SOX5: variants seen among roughly 807,000 people sequenced by gnomAD.
SOX5 encodes transcription factor SOX-5.
SOX5 carries 9 observed loss-of-function variants against 92.0 expected under a neutral mutation model. The observed-to-expected ratio is 0.10, with a 90% CI of 0.06 to 0.17. The LOEUF is 0.17. Ranked by LOEUF, SOX5 falls within the 10% of genes least tolerant of loss-of-function variation. The pLI is 1.00. For missense variants in SOX5, 642 were observed against 944.5 expected, an observed-to-expected ratio of 0.68 and a Z score of 4.20; for synonymous variants, 344 against 336.3, an observed-to-expected ratio of 1.02 and a Z score of -0.25.
At chr12:23,663,632 C>CT (rs148788898) in intron 7 of SOX5, among the ~76,000 whole-genome samples, 4,650 of 151,730 alleles carry the variant, frequency 0.031, 217 homozygotes, top group African/African-American at 0.11. Context: ...TAGAAAGTGT[C>CT]TTTTTTTTGT....
intron 4 of SOX5, among the ~76,000 whole-genome samples, chr12:24,171,616 G>A (rs577197432): frequency 8.5e-5 from 13 of 152,102 alleles, no homozygotes; most frequent in East Asian, 1.9e-4. Context: ...TTTCATATGC[G>A]CTTTCTGAAG....
chr12:23,548,651 TA>T (rs376435769), intron 11 of SOX5, among the ~76,000 whole-genome samples: 1 of 151,552 alleles, frequency 6.6e-6, no homozygotes, highest in African/African-American at 2.4e-5. Context: ...ACATTTTTTT[TA>T]AAAAAAGTGT....
At chr12:23,706,326 GT>G (rs2091387168) in intron 6 of SOX5, among the ~76,000 whole-genome samples, 1 of 152,008 alleles carries the variant, frequency 6.6e-6, no homozygotes. Flanking sequence ...AGAACCAAAT[GT>G]TATTAGAATG....
At chr12:24,003,897 C>T (rs955797301) in intron 4 of SOX5, among the ~76,000 whole-genome samples, 3 of 151,522 alleles carry the variant, frequency 2.0e-5, no homozygotes, top group African/African-American at 7.3e-5. Flanking sequence ...TTTCAAAGAA[C>T]AATATAAAGC....
intron 4 of SOX5, among the ~76,000 whole-genome samples, chr12:24,089,968 T>C (rs925871701): frequency 9.2e-5 from 14 of 152,208 alleles, no homozygotes; most frequent in Admixed American, 7.8e-4. Flanking sequence ...CATGTAGGTA[T>C]TTTTTTCCTT....
At position 24,300,076 on chromosome 12, in the gene SOX5, C is replaced by T. The variant is rs540906449; in HGVS notation, c.-173-22764G>A. 1.4e-4 allele frequency among the ~76,000 whole-genome samples: 21 copies of T among 152,220 alleles called. 1 individual carries two copies. Among genetic ancestry groups the T allele is most frequent in the East Asian group, 1.9e-4 (1 of 5,184 alleles). On this transcript the variant is annotated intron_variant, in intron 2 of 4. Transcript: ENST00000446891. ...ATTTAGGGAATATCTGAGAACAAAG[C>T]GAAACACTGCTTTCATGAACAATTT...
intron 13 of SOX5, 120 bp from the exon 14 acceptor site, chr12:23,536,789 A>C (rs1482831070): frequency 1.3e-6 from 1 of 751,554 alleles, no homozygotes; most frequent in Admixed American, 2.1e-5. Flanking sequence ...GAAATACATA[A>C]ACCTGTTTTT....
chr12:23,800,653 T>A (rs2142141085), intron 3 of SOX5, among the ~76,000 whole-genome samples: 1 of 152,232 alleles, frequency 6.6e-6, no homozygotes, highest in South Asian at 2.1e-4. Context: ...CTATTTCCAT[T>A]TACACCTGTC....
At chr12:24,270,125 G>A (rs909765585) in intron 3 of SOX5, among the ~76,000 whole-genome samples, 45 of 151,896 alleles carry the variant, frequency 3.0e-4, no homozygotes, top group Admixed American at 1.3e-4. Flanking sequence ...GCAGTGGCAC[G>A]ATCTCAGCTC....
At chr12:24,507,926 A>G (rs1948956364) in intron 1 of SOX5, among the ~76,000 whole-genome samples, 1 of 152,022 alleles carries the variant, frequency 6.6e-6, no homozygotes, top group Admixed American at 6.6e-5. Flanking sequence ...ACCAAGTTAT[A>G]CAGGAGAGCC....
At chr12:24,189,441 T>C (rs1276200074) in intron 4 of SOX5, among the ~76,000 whole-genome samples, 1 of 152,200 alleles carries the variant, frequency 6.6e-6, no homozygotes, top group Non-Finnish European at 1.5e-5. Flanking sequence ...ATTTCAAATA[T>C]CAACTCTAAT....
At chr12:24,108,554 C>T (rs1215492392) in intron 4 of SOX5, among the ~76,000 whole-genome samples, 4 of 152,058 alleles carry the variant, frequency 2.6e-5, no homozygotes, top group African/African-American at 9.7e-5. Flanking sequence ...TATAAGTACA[C>T]AGAATAGGAA....
intron 2 of SOX5, among the ~76,000 whole-genome samples, chr12:24,295,258 A>G (rs1237223742): frequency 6.6e-6 from 1 of 152,130 alleles, no homozygotes; most frequent in African/African-American, 2.4e-5. Flanking sequence ...AATACTTTCT[A>G]GTGCTAGAGG....
intron 4 of SOX5, among the ~76,000 whole-genome samples, chr12:23,755,397 T>G (rs1023606595): frequency 6.6e-6 from 1 of 151,828 alleles, no homozygotes; most frequent in African/African-American, 2.4e-5. Context: ...TCAGAGCCTG[T>G]TAGAGGTATA....
chr12:24,504,671 T>C (rs143847677), intron 1 of SOX5, among the ~76,000 whole-genome samples: 523 of 152,300 alleles, frequency 3.4e-3, no homozygotes, highest in Middle Eastern at 6.8e-3. Context: ...AACATTCAAA[T>C]AGAACCTACT....
chr12:23,739,774 C>T (rs13377616), intron 5 of SOX5, among the ~76,000 whole-genome samples: 7,061 of 152,218 alleles, frequency 0.046, 549 homozygotes, highest in African/African-American at 0.16. Context: ...CATTTAGATC[C>T]CAGCTCAACT....
intron 2 of SOX5, among the ~76,000 whole-genome samples, chr12:23,893,867 G>A (rs886382227): frequency 7.9e-5 from 12 of 152,280 alleles, no homozygotes; most frequent in Admixed American, 2.6e-4. Flanking sequence ...CATAACTTAC[G>A]TAAGCTCACA....
At chr12:24,268,226 C>A (rs997705919) in intron 3 of SOX5, among the ~76,000 whole-genome samples, 1 of 152,074 alleles carries the variant, frequency 6.6e-6, no homozygotes, top group Non-Finnish European at 1.5e-5. Flanking sequence ...TTTATGCTAA[C>A]CTATTCAGAT....
At chr12:24,259,317 T>A (rs1783609873) in intron 3 of SOX5, among the ~76,000 whole-genome samples, 1 of 152,198 alleles carries the variant, frequency 6.6e-6, no homozygotes, top group Non-Finnish European at 1.5e-5. Context: ...CGTGTTTAAA[T>A]GTTAGGCTAA....
Sources: allele counts gnomAD v4.1 joint callset (sites outside exome capture counted in the v4.1 genomes callset), GRCh38; gene constraint gnomAD v4.1.1; transcripts MANE v1.5; gene names NCBI Gene and HGNC (gene_info 2026-07-23, HGNC 2026-07-21).